Variants in CTSF observed in about 807,000 individuals in gnomAD.
CTSF encodes the protein cathepsin F.
Under a neutral mutation model 63.5 loss-of-function variants are expected in CTSF, and 65 were observed. The observed-to-expected ratio is 1.02, with a 90% CI of 0.84 to 1.26. CTSF has a LOEUF of 1.26. Ranked by LOEUF, CTSF falls within the 50% of genes most tolerant of loss-of-function variation. CTSF has a pLI of 0.00. For synonymous variants in CTSF, 256 were observed against 258.1 expected (o/e 0.99, Z 0.08); for missense variants, 641 against 631.0 (o/e 1.02, Z -0.17).
chr11:66,565,601 C>CA, intron 8 of CTSF, 70 bp downstream of exon 8: 2 of 1,590,928 alleles, frequency 1.3e-6, no homozygotes, highest in East Asian at 2.2e-5. Context: ...GTCTCCCCCC[C>CA]ATTATGAAGT....
Position 66,567,565 on chromosome 11 carries a change from G to A in CTSF, c.410C>T (p.Pro137Leu). The A allele has an allele frequency of 6.2e-7, 1 of 1,614,184 alleles. No individual in the cohort carries two copies. The highest frequency in any genetic ancestry group is 8.5e-7 in the Non-Finnish European group (1 of 1,180,032). ...TGAGCCCTGAGTGAAGGCTGACTTG[G>A]GCTCCCCAGCACCTGGAACCTTGGT... Reference protein sequence around the residue: ...VDTKVPGAGEPKSAFTQGSAM... With the variant: ...VDTKVPGAGELKSAFTQGSAM... The change falls in exon 3 of 13, where the codon CCC becomes CTC. Residue 137 changes from proline to leucine, a missense_variant. By Grantham distance (98) the Pro-to-Leu change is moderately conservative. Coordinates refer to ENST00000310325, the MANE Select transcript of CTSF (RefSeq NM_003793.4).
At chr11:66,564,509 C>T (rs1456774397) in intron 11 of CTSF, 49 bp downstream of exon 11, 1 of 1,463,858 alleles carries the variant, frequency 6.8e-7, no homozygotes, top group Non-Finnish European at 9.2e-7. Context: ...GCTGTGATCC[C>T]ACCCCTGCCT....
At chr11:66,564,848 G>A (rs373451370) in intron 9 of CTSF, 39 bp downstream of exon 9, 90 of 1,614,006 alleles carry the variant, frequency 5.6e-5, no homozygotes, top group African/African-American at 1.9e-4. Flanking sequence ...CCCAGGCCCC[G>A]GCCCCACCTG....
Position 66,564,932 on chromosome 11 carries a change from T to C in CTSF, c.1120A>G (p.Lys374Glu). 1 of 1,605,074 alleles carries C rather than the reference T, an allele frequency of 6.2e-7. No homozygotes were observed. The highest frequency in any genetic ancestry group is 8.5e-7 in the Non-Finnish European group (1 of 1,173,294). The part of the protein sequence containing the change: ...QSCNFSAEKA[K>E]VYINDSVELS... ...TCCACGGAGTCATTGATGTAGACCTTGGCCTTCTCTGCTGAGAAGTTGCAG... is the reference window on the plus strand; with the variant it reads ...TCCACGGAGTCATTGATGTAGACCTCGGCCTTCTCTGCTGAGAAGTTGCAG... Residue 374 changes from lysine (K) to glutamate (E), a missense_variant, in exon 9 of 13, where the codon AAG (lysine) becomes GAG (glutamate). Physicochemically the swap from Lys to Glu is moderately conservative, Grantham distance 56. Transcript: ENST00000310325.
chr11:66,568,173 G>A, intron 1 of CTSF, 91 bp from the exon 2 acceptor site: 1 of 1,548,068 alleles, frequency 6.5e-7, no homozygotes, highest in Non-Finnish European at 8.7e-7. Context: ...CCCATCACCA[G>A]AGATCGGTTC....
chr11:66,566,998 G>A (rs539235132), intron 4 of CTSF, among the ~76,000 whole-genome samples: 8 of 152,178 alleles, frequency 5.3e-5, no homozygotes, highest in South Asian at 4.1e-4. Flanking sequence ...AAAGTACTGC[G>A]ATTACAGAGG....
chr11:66,567,847 G>T, intron 2 of CTSF, 137 bp downstream of exon 2: 1 of 1,381,130 alleles, frequency 7.2e-7, no homozygotes, highest in Non-Finnish European at 9.8e-7. Context: ...TTGGTTTCCA[G>T]CCCTCGGGGC....
Position 66,563,619 on chromosome 11 carries a change from A to C in CTSF, c.*314T>G. On this transcript the variant is annotated 3_prime_UTR_variant, in exon 13 of 13. Transcript: ENST00000310325. ...GCAGAACAGAGCTGGGCTTAAGATC[A>C]GAAAATTTTCTTCCTGCTCATTACC... The C allele has an allele frequency of 3.7e-6, 2 of 534,736 alleles. No homozygotes were observed. The highest frequency in any genetic ancestry group is 3.3e-6 in the Non-Finnish European group (1 of 298,528). The allele number at this position is 534,736 out of a possible 1,614,324, so 33.1% of individuals were successfully genotyped here. A position where few individuals can be genotyped will look rare whatever the true frequency, so the allele number is the denominator to read the frequency against.
chr11:66,566,380 A>G lies in CTSF; in HGVS notation c.632T>C (p.Phe211Ser). The change falls in exon 5 of 13, where the codon TTT (phenylalanine) becomes TCT (serine). Residue 211 changes from phenylalanine to serine, a missense_variant. Physicochemically the swap from Phe to Ser is radical, Grantham distance 155. Coordinates refer to ENST00000310325, the MANE Select transcript of CTSF (RefSeq NM_003793.4). ...CTGTGCTCGCACCATGTTATTGACA[A>G]AGACGGACAGGCGCCACCGGGCTTC... Reference protein sequence around the residue: ...KEEARWRLSVFVNNMVRAQKI... With the variant: ...KEEARWRLSVSVNNMVRAQKI... The G allele has an allele frequency of 6.2e-7, 1 of 1,613,960 alleles. No homozygotes were observed. Among genetic ancestry groups the G allele is most frequent in the Non-Finnish European group, 8.5e-7 (1 of 1,179,978 alleles).
chr11:66,565,841 G>C lies in CTSF; in HGVS notation c.954C>G (p.Leu318=), dbSNP rs765816185. 1 of 1,613,726 alleles carries C rather than the reference G, an allele frequency of 6.2e-7. No individual in the cohort carries two copies. The highest frequency in any genetic ancestry group is 1.7e-5 in the Admixed American group (1 of 60,020). ...GAGCGAGATGCTCACCCTGTTCAGA[G>C]AGGGAGAGCAGGGTCCCCTGGTTGA... ...WFLNQGTLLS[L]SEQELLDCDK... is the part of the protein sequence containing the mutation. Residue 318 remains leucine, a synonymous_variant, in exon 7 of 13, where the codon CTC becomes CTG. Transcript: ENST00000310325.
chr11:66,564,455 G>T, intron 11 of CTSF, 103 bp downstream of exon 11: 1 of 1,099,606 alleles, frequency 9.1e-7, no homozygotes, highest in Non-Finnish European at 1.3e-6. Flanking sequence ...TAAGGACAGG[G>T]TTCCTAGGCA....
At position 66,566,417 on chromosome 11, in the gene CTSF, G is replaced by T; in HGVS notation, c.608-13C>A. 1 of 1,613,054 alleles carries T rather than the reference G, an allele frequency of 6.2e-7. No homozygotes were observed. Among genetic ancestry groups the T allele is most frequent in the South Asian group, 1.1e-5 (1 of 91,000 alleles). On this transcript the variant is annotated splice_polypyrimidine_tract_variant and intron_variant, in intron 4 of 12. Coordinates refer to ENST00000310325, the MANE Select transcript of CTSF (RefSeq NM_003793.4). The stretch of plus-strand genomic sequence containing the variant: ...CGCCACCGGGCTTCTGAGGACCAAG[G>T]AGCAGAAGAGGAGGGGTTCGACCCC...
intron 11 of CTSF, 72 bp downstream of exon 11, chr11:66,564,486 G>A: frequency 1.5e-6 from 2 of 1,334,374 alleles, no homozygotes; most frequent in Non-Finnish European, 2.0e-6. Context: ...TTCCCCTCTA[G>A]AGGACCTGAG....
In CTSF at chr11:66,567,021, C is replaced by A. The variant is rs890605255; in HGVS notation, c.607+225G>T. On this transcript the variant is annotated intron_variant, in intron 4 of 12. Transcript: ENST00000310325. ...GCGATTACAGAGGTGAGCCACCACG[C>A]CCGGCCAAGACCCATGGCTTCTGAG... Among the ~76,000 whole-genome samples, 6 of 152,164 alleles carry A rather than the reference C, an allele frequency of 3.9e-5. No homozygotes were observed. In the South Asian group the frequency reaches 1.2e-3, roughly 32 times the overall value.
chr11:66,568,188 A>AGC, intron 1 of CTSF, 86 bp downstream of exon 1: 1 of 1,533,036 alleles, frequency 6.5e-7, no homozygotes, highest in Non-Finnish European at 8.8e-7. Context: ...CGGTTCGTCC[A>AGC]GCGGGCAGGC....
intron 11 of CTSF, 45 bp downstream of exon 11, chr11:66,564,513 C>T (rs1034531584): frequency 1.4e-6 from 2 of 1,478,270 alleles, no homozygotes; most frequent in African/African-American, 2.8e-5. Flanking sequence ...TGATCCCACC[C>T]CTGCCTGTGG....
In CTSF at chr11:66,565,668, T is replaced by C; in HGVS notation, c.1045+3A>G. On this transcript the variant is annotated splice_donor_region_variant and intron_variant, in intron 8 of 12. Transcript: ENST00000310325. Reference sequence around the variant, plus strand: ...TGCCCCTCCTGACCCCATTAATGCATACCCAAATTCTTTATGGCCGAGTAG... The same window carrying C: ...TGCCCCTCCTGACCCCATTAATGCACACCCAAATTCTTTATGGCCGAGTAG... The C allele has an allele frequency of 6.2e-7, 1 of 1,613,398 alleles. No individual in the cohort carries two copies. Among genetic ancestry groups the C allele is most frequent in the Admixed American group, 1.7e-5 (1 of 60,032 alleles).
Position 66,564,022 on chromosome 11 carries a change from GA to G in CTSF, c.1381-16del, listed in dbSNP as rs779290211. The G allele has an allele frequency of 2.3e-5, 37 of 1,613,958 alleles. No homozygotes were observed. In the East Asian group the frequency reaches 8.0e-4, roughly 35 times the overall value. On this transcript the variant is annotated splice_polypyrimidine_tract_variant and intron_variant, in intron 12 of 12. Transcript: ENST00000310325. ...TAGTAGTAACCCTGGGGGAGAGGGG[GA>G]GCTGGTGAGGGCACCAGGGTAGGAT...
Position 66,564,017 on chromosome 11 carries a change from A to C in CTSF, c.1381-10T>G. ...GCAAGTAGTAGTAACCCTGGGGGAG[A>C]GGGGGAGCTGGTGAGGGCACCAGGG... On this transcript the variant is annotated splice_polypyrimidine_tract_variant and intron_variant, in intron 12 of 12. Coordinates refer to ENST00000310325, the MANE Select transcript of CTSF (RefSeq NM_003793.4). 6.2e-7 allele frequency: 1 copy of C among 1,613,682 alleles called. No homozygotes were observed.
Sources: allele counts gnomAD v4.1 joint callset (sites outside exome capture counted in the v4.1 genomes callset), GRCh38; gene constraint gnomAD v4.1.1; transcripts MANE v1.5; gene names NCBI Gene and HGNC (gene_info 2026-07-23, HGNC 2026-07-21).